TAS2R1: variants seen among roughly 807,000 people sequenced by gnomAD.
TAS2R1 encodes the protein taste 2 receptor member 1, also known as taste receptor type 2 member 1.
For synonymous variants in TAS2R1, 141 were observed against 134.2 expected (o/e 1.05, Z -0.35); for missense variants, 370 against 353.4 (o/e 1.05, Z -0.38).
At chr5:9,776,028 G>A in the TAS2R1 span, among the ~76,000 whole-genome samples, 3 of 152,174 alleles carry the variant, frequency 2.0e-5, no homozygotes, top group Admixed American at 6.5e-5. Flanking sequence ...AGGATTTGCA[G>A]TTCTGGTGAC....
At position 9,628,296 on chromosome 5, in the gene TAS2R1, AGG is replaced by A. The variant is rs1388809341; in HGVS notation, c.*835_*836del. Among the ~76,000 whole-genome samples, 1 of 152,118 alleles carries A rather than the reference AGG, an allele frequency of 6.6e-6. No homozygotes were observed. Among genetic ancestry groups the A allele is most frequent in the African/African-American group, 2.4e-5 (1 of 41,440 alleles). ...TCATTGGGAAGACAGGCAATGCAGG[AGG>A]AGTTCCAAATTACCACTCTGGGTTG... On this transcript the variant is annotated 3_prime_UTR_variant, in exon 1 of 1. Transcript: ENST00000382492.
At position 9,650,670 on chromosome 5, in the gene TAS2R1, A is replaced by G. The variant is rs890369216; in HGVS notation, c.-81+8751T>C. Reference sequence around the variant, plus strand: ...CCTCTCCTAATTCATCTCTATTTAAATTTCACTTCATCACAAAAGACTTGG... The same window carrying G: ...CCTCTCCTAATTCATCTCTATTTAAGTTTCACTTCATCACAAAAGACTTGG... On this transcript the variant is annotated intron_variant, in intron 2 of 2. Coordinates refer to the TAS2R1 transcript ENST00000506620. Among the ~76,000 whole-genome samples, 4 of 152,092 alleles carry G rather than the reference A, an allele frequency of 2.6e-5. No individual in the cohort carries two copies. The East Asian group carries it at 7.7e-4, about 29-fold the overall frequency.
chr5:9,667,907 G>A (rs578156996), intron 1 of TAS2R1, among the ~76,000 whole-genome samples: 19 of 152,270 alleles, frequency 1.2e-4, no homozygotes, highest in African/African-American at 4.3e-4. Context: ...TAGTTCCCCA[G>A]CAATGGTTCT....
the TAS2R1 span, among the ~76,000 whole-genome samples, chr5:9,883,648 G>A: frequency 2.0e-5 from 3 of 151,998 alleles, no homozygotes; most frequent in African/African-American, 4.8e-5. Context: ...AAGCTTCACC[G>A]AGAATTCAGT....
At chr5:9,678,177 A>G (rs1422544835) in intron 1 of TAS2R1, among the ~76,000 whole-genome samples, 1 of 152,236 alleles carries the variant, frequency 6.6e-6, no homozygotes, top group Non-Finnish European at 1.5e-5. Flanking sequence ...AAACATATGA[A>G]AAAAACCTCA....
the TAS2R1 span, among the ~76,000 whole-genome samples, chr5:9,897,488 T>C: frequency 6.6e-6 from 1 of 152,082 alleles, no homozygotes; most frequent in South Asian, 2.1e-4. Flanking sequence ...AACACCTAGA[T>C]TTGCAACTGG....
the TAS2R1 span, among the ~76,000 whole-genome samples, chr5:9,850,341 C>A: frequency 6.6e-6 from 1 of 152,246 alleles, no homozygotes; most frequent in Non-Finnish European, 1.5e-5. Flanking sequence ...AAGCACAGAA[C>A]ACATGACTTT....
chr5:9,785,139 C>A, the TAS2R1 span, among the ~76,000 whole-genome samples: 2 of 152,156 alleles, frequency 1.3e-5, no homozygotes, highest in Non-Finnish European at 2.9e-5. Flanking sequence ...TACAGCTCCC[C>A]ACTCTCTCAT....
chr5:9,692,160 T>C lies in TAS2R1; in HGVS notation c.-242+20012A>G, dbSNP rs143353852. On this transcript the variant is annotated intron_variant, in intron 1 of 2. Coordinates refer to the TAS2R1 transcript ENST00000506620. ...GTTTGTGTTTCTCCCTTGGTTCGTGTGAAAGGACATCTGCACTCTACGTGC... is the reference window on the plus strand; with the variant it reads ...GTTTGTGTTTCTCCCTTGGTTCGTGCGAAAGGACATCTGCACTCTACGTGC... Among the ~76,000 whole-genome samples, 345 of 152,252 alleles carry C rather than the reference T, an allele frequency of 2.3e-3. 2 individuals are homozygous for C. The highest frequency in any genetic ancestry group is 7.8e-3 in the African/African-American group (322 of 41,544).
chr5:9,800,497 G>T, the TAS2R1 span, among the ~76,000 whole-genome samples: 1 of 152,148 alleles, frequency 6.6e-6, no homozygotes. Flanking sequence ...AGCTAAGGAA[G>T]GGCTTCCTAG....
the TAS2R1 span, among the ~76,000 whole-genome samples, chr5:9,879,666 T>C: frequency 6.6e-6 from 1 of 152,238 alleles, no homozygotes; most frequent in African/African-American, 2.4e-5. Context: ...TTGTTGTGGT[T>C]CTACTTCTCT....
At chr5:9,816,926 A>G in the TAS2R1 span, among the ~76,000 whole-genome samples, 3 of 152,180 alleles carry the variant, frequency 2.0e-5, no homozygotes, top group Non-Finnish European at 4.4e-5. Flanking sequence ...AGTGGGTCTG[A>G]TCAGCGGTCT....
chr5:9,640,403 A>C (rs911151131), intron 2 of TAS2R1, among the ~76,000 whole-genome samples: 3 of 150,804 alleles, frequency 2.0e-5, no homozygotes, highest in Non-Finnish European at 3.0e-5. Flanking sequence ...CGAATTACCA[A>C]GGTATGACAG....
chr5:9,847,756 G>T, the TAS2R1 span, among the ~76,000 whole-genome samples: 1 of 152,150 alleles, frequency 6.6e-6, no homozygotes, highest in Non-Finnish European at 1.5e-5. Context: ...GGTTCCATTA[G>T]CCAAGGGCAA....
the TAS2R1 span, among the ~76,000 whole-genome samples, chr5:9,792,828 T>G: frequency 1.3e-5 from 2 of 152,212 alleles, no homozygotes; most frequent in Non-Finnish European, 2.9e-5. Flanking sequence ...CTATATGATC[T>G]TTCTTCCTCC....
At chr5:9,855,678 G>A in the TAS2R1 span, among the ~76,000 whole-genome samples, 1 of 152,238 alleles carries the variant, frequency 6.6e-6, no homozygotes, top group African/African-American at 2.4e-5. Context: ...CCACTGGCTT[G>A]AGCCATTTGA....
chr5:9,861,960 G>A, the TAS2R1 span, among the ~76,000 whole-genome samples: 3 of 152,324 alleles, frequency 2.0e-5, no homozygotes, highest in Admixed American at 6.5e-5. Context: ...ATGATGATGC[G>A]ATGGGTGATC....
chr5:9,811,711 T>C, the TAS2R1 span, among the ~76,000 whole-genome samples: 4 of 152,158 alleles, frequency 2.6e-5, no homozygotes, highest in African/African-American at 9.7e-5. Context: ...TCCAAATTGA[T>C]ACATTCAGGC....
chr5:9,855,099 G>C, the TAS2R1 span, among the ~76,000 whole-genome samples: 6 of 152,308 alleles, frequency 3.9e-5, no homozygotes, highest in African/African-American at 1.4e-4. Flanking sequence ...TGTTTACAGT[G>C]TACCTTTCAC....
Sources: gnomAD v4.1 joint callset for allele counts (sites outside exome capture counted in the v4.1 genomes callset) on GRCh38, gnomAD v4.1.1 for gene constraint, MANE v1.5 for transcripts, NCBI Gene and HGNC (gene_info 2026-07-23, HGNC 2026-07-21) for gene names.